NOPCHAP1: variants seen among roughly 807,000 people sequenced by gnomAD.
The protein encoded by NOPCHAP1 is DNA damage-sensitive RNA 1.
Under a neutral mutation model 14.0 loss-of-function variants are expected in NOPCHAP1, and 13 were observed. The observed-to-expected ratio is 0.93, with a 90% CI of 0.60 to 1.47. NOPCHAP1 has a LOEUF of 1.47. Among genes scored for constraint, NOPCHAP1 ranks in the 40% most tolerant of loss-of-function variants. The pLI is 0.00. For synonymous variants in NOPCHAP1, 78 were observed against 78.4 expected, an observed-to-expected ratio of 1.00 and a Z score of 0.03; for missense variants, 230 against 226.9, an observed-to-expected ratio of 1.01 and a Z score of -0.09.
chr12:104,993,078 C>T (rs1277542448), intron 3 of NOPCHAP1, among the ~76,000 whole-genome samples: 1 of 152,166 alleles, frequency 6.6e-6, no homozygotes, highest in Non-Finnish European at 1.5e-5. Context: ...TTTCAGTCGT[C>T]ACCTGATCAG....
Position 104,986,462 on chromosome 12 carries a change from G to T in NOPCHAP1, c.110G>T (p.Arg37Leu). The T allele has an allele frequency of 6.2e-7, 1 of 1,600,544 alleles. No homozygotes were observed. Among genetic ancestry groups the T allele is most frequent in the Non-Finnish European group, 8.5e-7 (1 of 1,172,428 alleles). The part of the protein sequence containing the change: ...KELLTAGSDG[R>L]GGIWDRLLIN... ...CTGCTGACGGCGGGAAGCGACGGCC[G>T]CGGAGGTGACGGACGGGTGACGGCG... Residue 37 changes from arginine (R) to leucine (L), a missense_variant, in exon 1 of 4, where the codon CGC becomes CTC. By Grantham distance (102) the Arg-to-Leu change is moderately radical. Coordinates refer to ENST00000552951, the MANE Select transcript of NOPCHAP1 (RefSeq NM_152318.3).
Position 105,003,949 on chromosome 12 carries a change from T to A in NOPCHAP1, c.*9253T>A, listed in dbSNP as rs1873660379. ...GCTATTCGTTACAAAAGTATTCTGC[T>A]AAGTTAGGTTTTGGTTTGTTTATTA... is the stretch of plus-strand genomic sequence containing the variant. On this transcript the variant is annotated 3_prime_UTR_variant, in exon 4 of 4. Transcript: ENST00000552951. 6.6e-6 allele frequency: 1 copy of A among 152,232 alleles called. No individual in the cohort carries two copies. The highest frequency in any genetic ancestry group is 6.5e-5 in the Admixed American group (1 of 15,284). The allele number at this position is 152,232 out of a possible 1,614,324, so 9.4% of individuals were successfully genotyped here.
At position 105,000,026 on chromosome 12, in the gene NOPCHAP1, A is replaced by G. The variant is rs564779943; in HGVS notation, c.*5330A>G. On this transcript the variant is annotated 3_prime_UTR_variant, in exon 4 of 4. Transcript: ENST00000552951. Reference sequence around the variant, plus strand: ...CATCTAGCTGATCATCTTGCCTCCAACCTGTTCCCTTTATAGCATAATGTG... The same window carrying G: ...CATCTAGCTGATCATCTTGCCTCCAGCCTGTTCCCTTTATAGCATAATGTG... 5.3e-5 allele frequency: 8 copies of G among 151,936 alleles called. No homozygotes were observed. Among genetic ancestry groups the G allele is most frequent in the African/African-American group, 1.7e-4 (7 of 41,396 alleles). 9.4% of individuals were successfully genotyped at this position (151,936 alleles called of 1,614,324 possible).
intron 2 of NOPCHAP1, among the ~76,000 whole-genome samples, chr12:104,989,170 G>A (rs1176646226): frequency 6.6e-6 from 1 of 152,070 alleles, no homozygotes; most frequent in Admixed American, 6.5e-5. Flanking sequence ...ATCTTAATTT[G>A]TTTCTAATGG....
chr12:104,990,416 CTT>C (rs1305752305), intron 2 of NOPCHAP1, among the ~76,000 whole-genome samples: 5 of 152,194 alleles, frequency 3.3e-5, no homozygotes, highest in South Asian at 2.1e-4. Flanking sequence ...AGTAATTTCT[CTT>C]TCTGTAATCT....
rs1480609252 is a variant in NOPCHAP1 at position 104,995,519 on chromosome 12, G to T, written c.*823G>T. ...ATCCCATTAAGTGCTTTTGTTAAAT[G>T]CTTTCAGAGGGTGGCTCCTACCCCA... On this transcript the variant is annotated 3_prime_UTR_variant, in exon 4 of 4. Coordinates refer to ENST00000552951, the MANE Select transcript of NOPCHAP1 (RefSeq NM_152318.3). 1 of 152,172 alleles carries T rather than the reference G, an allele frequency of 6.6e-6. No homozygotes were observed. The highest frequency in any genetic ancestry group is 1.5e-5 in the Non-Finnish European group (1 of 68,044). The allele number at this position is 152,172 out of a possible 1,614,324, so 9.4% of individuals were successfully genotyped here. A position where few individuals can be genotyped will look rare whatever the true frequency, so the allele number is the denominator to read the frequency against.
chr12:104,989,162 CTTAA>C (rs1873320704), intron 2 of NOPCHAP1, among the ~76,000 whole-genome samples: 1 of 151,952 alleles, frequency 6.6e-6, no homozygotes, highest in Non-Finnish European at 1.5e-5. Flanking sequence ...GCGTTGTGAT[CTTAA>C]TTTGTTTCTA....
Position 105,014,120 on chromosome 12 carries a change from A to G in NOPCHAP1, c.*19424A>G, listed in dbSNP as rs1209167020. ...ATCGCAATAGCAACAGGAGGTGACCACAAAGTTATTACAGTACTAGAGTTA... is the reference window on the plus strand; with the variant it reads ...ATCGCAATAGCAACAGGAGGTGACCGCAAAGTTATTACAGTACTAGAGTTA... On this transcript the variant is annotated 3_prime_UTR_variant, in exon 4 of 4. Coordinates refer to ENST00000552951, the MANE Select transcript of NOPCHAP1 (RefSeq NM_152318.3). 6.6e-6 allele frequency: 1 copy of G among 152,214 alleles called. No homozygotes were observed. The highest frequency in any genetic ancestry group is 1.9e-4 in the East Asian group (1 of 5,198). The allele number at this position is 152,214 out of a possible 1,614,324, so 9.4% of individuals were successfully genotyped here. A position where few individuals can be genotyped will look rare whatever the true frequency, so the allele number is the denominator to read the frequency against.
chr12:104,997,563 C>T lies in NOPCHAP1; in HGVS notation c.*2867C>T, dbSNP rs976486600. The T allele has an allele frequency of 6.6e-6, 1 of 152,176 alleles. No homozygotes were observed. Among genetic ancestry groups the T allele is most frequent in the African/African-American group, 2.4e-5 (1 of 41,434 alleles). 9.4% of individuals were successfully genotyped at this position (152,176 alleles called of 1,614,324 possible). A position where few individuals can be genotyped will look rare whatever the true frequency, so the allele number is the denominator to read the frequency against. Reference sequence around the variant, plus strand: ...TTCTGGCTTGTAGAGTTTCTGCTGACAGTTCTGCTGTTAGCCTGATGGGTT... The same window carrying T: ...TTCTGGCTTGTAGAGTTTCTGCTGATAGTTCTGCTGTTAGCCTGATGGGTT... On this transcript the variant is annotated 3_prime_UTR_variant, in exon 4 of 4. Coordinates refer to ENST00000552951, the MANE Select transcript of NOPCHAP1 (RefSeq NM_152318.3).
At chr12:104,989,246 A>G (rs1242889529) in intron 2 of NOPCHAP1, among the ~76,000 whole-genome samples, 1 of 152,210 alleles carries the variant, frequency 6.6e-6, no homozygotes, top group African/African-American at 2.4e-5. Context: ...GCCTATTCAA[A>G]TCTTAAACAC....
Position 105,001,031 on chromosome 12 carries a change from T to C in NOPCHAP1, c.*6335T>C, listed in dbSNP as rs1204284972. On this transcript the variant is annotated 3_prime_UTR_variant, in exon 4 of 4. Coordinates refer to ENST00000552951, the MANE Select transcript of NOPCHAP1 (RefSeq NM_152318.3). ...AGGCAATTCAATCAATTCAGTTAACTTTACCAATTTCAGTTTAAAGTTTCA... is the reference window on the plus strand; with the variant it reads ...AGGCAATTCAATCAATTCAGTTAACCTTACCAATTTCAGTTTAAAGTTTCA... 6.6e-6 allele frequency: 1 copy of C among 151,738 alleles called. No homozygotes were observed. Among genetic ancestry groups the C allele is most frequent in the East Asian group, 1.9e-4 (1 of 5,186 alleles). The allele number at this position is 151,738 out of a possible 1,614,324, so 9.4% of individuals were successfully genotyped here.
chr12:104,993,376 C>CAATAAAAAACATTT (rs1873424740), intron 3 of NOPCHAP1, among the ~76,000 whole-genome samples: 1 of 152,050 alleles, frequency 6.6e-6, no homozygotes, highest in African/African-American at 2.4e-5. Context: ...GAAAAAAAAC[C>CAATAAAAAACATTT]TCCAGGATTG....
Position 105,004,101 on chromosome 12 carries a change from A to C in NOPCHAP1, c.*9405A>C, listed in dbSNP as rs1873662502. 1 of 152,186 alleles carries C rather than the reference A, an allele frequency of 6.6e-6. No individual in the cohort carries two copies. The highest frequency in any genetic ancestry group is 6.5e-5 in the Admixed American group (1 of 15,278). The allele number at this position is 152,186 out of a possible 1,614,324, so 9.4% of individuals were successfully genotyped here. A position where few individuals can be genotyped will look rare whatever the true frequency, so the allele number is the denominator to read the frequency against. ...GTATTTTGTTTCTCAGAGAAACCAG[A>C]GCTAGTTTTTAAAGAGTTGGGATAT... On this transcript the variant is annotated 3_prime_UTR_variant, in exon 4 of 4. Coordinates refer to ENST00000552951, the MANE Select transcript of NOPCHAP1 (RefSeq NM_152318.3).
rs1873471843 is a variant in NOPCHAP1 at position 104,995,133 on chromosome 12, T to C, written c.*437T>C. 5.1e-6 allele frequency: 1 copy of C among 197,572 alleles called. No individual in the cohort carries two copies. The highest frequency in any genetic ancestry group is 2.4e-5 in the African/African-American group (1 of 41,104). The allele number at this position is 197,572 out of a possible 1,614,324, so 12.2% of individuals were successfully genotyped here. On this transcript the variant is annotated 3_prime_UTR_variant, in exon 4 of 4. Coordinates refer to ENST00000552951, the MANE Select transcript of NOPCHAP1 (RefSeq NM_152318.3). ...ATTGGCCAGACTTGGCTATTTGTTATAAAAATACACTCCTGAGTTAGGTTT... is the reference window on the plus strand; with the variant it reads ...ATTGGCCAGACTTGGCTATTTGTTACAAAAATACACTCCTGAGTTAGGTTT...
chr12:104,994,361 T>A (rs753368659), intron 3 of NOPCHAP1, 117 bp from the exon 4 acceptor site: 5 of 1,033,018 alleles, frequency 4.8e-6, no homozygotes, highest in Non-Finnish European at 7.5e-6. Flanking sequence ...AAAAACCAAA[T>A]TCTTATCCTT....
chr12:104,986,516 G>A, intron 1 of NOPCHAP1, 49 bp downstream of exon 1: 1 of 1,478,336 alleles, frequency 6.8e-7, no homozygotes, highest in Non-Finnish European at 9.1e-7. Flanking sequence ...CGGCAGAGGA[G>A]GCGCGGCCGG....
chr12:105,015,292 A>G lies in NOPCHAP1; in HGVS notation c.*20596A>G, dbSNP rs1873923890. ...GGATGCTATGCTACCTTGTGTGAAC[A>G]GTTGCATTTGTCTGTTTCACTACTT... On this transcript the variant is annotated 3_prime_UTR_variant, in exon 4 of 4. Transcript: ENST00000552951. The G allele has an allele frequency of 6.6e-6, 1 of 152,242 alleles. No individual in the cohort carries two copies. Among genetic ancestry groups the G allele is most frequent in the South Asian group, 2.1e-4 (1 of 4,830 alleles). 9.4% of individuals were successfully genotyped at this position (152,242 alleles called of 1,614,324 possible).
chr12:105,015,988 T>G lies in NOPCHAP1; in HGVS notation c.*21292T>G, dbSNP rs1355475064. 1 of 137,732 alleles carries G rather than the reference T, an allele frequency of 7.3e-6. No individual in the cohort carries two copies. The highest frequency in any genetic ancestry group is 2.7e-5 in the African/African-American group (1 of 36,476). 8.5% of individuals were successfully genotyped at this position (137,732 alleles called of 1,614,324 possible). A position where few individuals can be genotyped will look rare whatever the true frequency, so the allele number is the denominator to read the frequency against. On this transcript the variant is annotated 3_prime_UTR_variant, in exon 4 of 4. Coordinates refer to ENST00000552951, the MANE Select transcript of NOPCHAP1 (RefSeq NM_152318.3). ...ATTTAGTAAAATAGTCAAGAAAGGT[T>G]TTTTTTTTTTTTTTTAAAAAGCATA...
At position 104,994,572 on chromosome 12, in the gene NOPCHAP1, C is replaced by T. The variant is rs138936935; in HGVS notation, c.434C>T (p.Ser145Leu). The change falls in exon 4 of 4, where the codon TCA becomes TTA. Residue 145 changes from serine to leucine, a missense_variant. Coordinates refer to ENST00000552951, the MANE Select transcript of NOPCHAP1 (RefSeq NM_152318.3). ...GACAGTTCAGAGAACAGTTCAGAAT[C>T]AGAAGACGAAGATGACAGCATCCCA... ...SQDSSENSSE[S>L]EDEDDSIPSE... 1.9e-5 allele frequency: 30 copies of T among 1,612,682 alleles called. 1 individual carries two copies. The African/African-American group carries it at 2.9e-4, about 16-fold the overall frequency.
Sources: allele counts gnomAD v4.1 joint callset (sites outside exome capture counted in the v4.1 genomes callset), GRCh38; gene constraint gnomAD v4.1.1; transcripts MANE v1.5; gene names NCBI Gene and HGNC (gene_info 2026-07-23, HGNC 2026-07-21).